COL6A6: variants seen among roughly 807,000 people sequenced by gnomAD.
COL6A6 encodes collagen type VI alpha 6 chain.
Under a neutral mutation model 208.6 loss-of-function variants are expected in COL6A6, and 183 were observed. The observed-to-expected ratio is 0.88, with a 90% CI of 0.78 to 0.99. The LOEUF (loss-of-function observed/expected upper bound fraction) is 0.99, where lower values mean the gene tolerates loss of function less well. Ranked by LOEUF, COL6A6 falls within the 50% of genes least tolerant of loss-of-function variation. COL6A6 has a pLI of 0.00. For missense variants in COL6A6, 2,816 were observed against 2,815.2 expected (o/e 1.00, Z -0.01); for synonymous variants, 973 against 1,011.8 (o/e 0.96, Z 0.73).
intron 1 of COL6A6, among the ~76,000 whole-genome samples, chr3:130,547,734 T>C (rs1276567947): frequency 6.6e-6 from 1 of 152,252 alleles, no homozygotes; most frequent in Non-Finnish European, 1.5e-5. Flanking sequence ...ACATTGGCCA[T>C]CTGTTATTGT....
intron 4 of COL6A6, among the ~76,000 whole-genome samples, chr3:130,566,264 A>G (rs1404499512): frequency 3.9e-5 from 6 of 152,248 alleles, no homozygotes; most frequent in South Asian, 2.1e-4. Flanking sequence ...AGCCTTAGTT[A>G]GATGACTAGG....
chr3:130,563,169 A>T lies in COL6A6; in HGVS notation c.166A>T (p.Ser56Cys), dbSNP rs191760470. The change falls in exon 3 of 37, where the codon AGT becomes TGT. Residue 56 changes from serine to cysteine, a missense_variant. Ser to Cys is a moderately radical substitution (Grantham distance 112). Transcript: ENST00000358511. The part of the protein sequence containing the change: ...VKMFITKMIS[S>C]LPIEADKYRV... ...AATGTTCATCACCAAAATGATCAGCAGTCTCCCCATAGAGGCCGACAAATA... is the reference window on the plus strand; with the variant it reads ...AATGTTCATCACCAAAATGATCAGCTGTCTCCCCATAGAGGCCGACAAATA... 6.2e-7 allele frequency: 1 copy of T among 1,614,054 alleles called. No homozygotes were observed. Among genetic ancestry groups the T allele is most frequent in the East Asian group, 2.2e-5 (1 of 44,890 alleles).
At position 130,566,694 on chromosome 3, in the gene COL6A6, C is replaced by T; in HGVS notation, c.1283-8C>T. 6.3e-7 allele frequency: 1 copy of T among 1,581,664 alleles called. No homozygotes were observed. The highest frequency in any genetic ancestry group is 1.2e-5 in the South Asian group (1 of 86,708). On this transcript the variant is annotated splice_region_variant and splice_polypyrimidine_tract_variant and intron_variant, in intron 4 of 36. Transcript: ENST00000358511. ...AATGCCACATGCAACTTATTGATTC[C>T]TTTTTAGGTTGTGTGGACACTGAGG...
At chr3:130,579,160 C>T (rs2063362804) in intron 8 of COL6A6, among the ~76,000 whole-genome samples, 2 of 152,118 alleles carry the variant, frequency 1.3e-5, no homozygotes, top group Non-Finnish European at 1.5e-5. Flanking sequence ...TACAAATGTA[C>T]CCTAGCCTCT....
At chr3:130,598,454 C>T (rs543602554) in intron 19 of COL6A6, 24 bp downstream of exon 19, 12 of 1,474,690 alleles carry the variant, frequency 8.1e-6, no homozygotes, top group African/African-American at 7.0e-5. Context: ...CTTGTAAAAT[C>T]GTGATGCAAC....
chr3:130,650,847 C>A (rs1405672592), intron 33 of COL6A6, among the ~76,000 whole-genome samples: 1 of 152,038 alleles, frequency 6.6e-6, no homozygotes, highest in Non-Finnish European at 1.5e-5. Flanking sequence ...TGAATTAATG[C>A]CAGTAGTCAA....
chr3:130,577,117 G>T (rs1295119583), intron 8 of COL6A6, among the ~76,000 whole-genome samples: 1 of 152,182 alleles, frequency 6.6e-6, no homozygotes, highest in Non-Finnish European at 1.5e-5. Context: ...TCTACGAAGG[G>T]TCAAGCCTGG....
intron 1 of COL6A6, among the ~76,000 whole-genome samples, chr3:130,538,171 T>G (rs2062269482): frequency 6.6e-6 from 1 of 152,208 alleles, no homozygotes; most frequent in Non-Finnish European, 1.5e-5. Context: ...AATGCTCAAC[T>G]TTGCCAAGAC....
chr3:130,589,099 G>A lies in COL6A6; in HGVS notation c.4135G>A (p.Ala1379Thr). ...CTTACCCTCTCCCAAGGTCAATGTT[G>A]CTGAAAGGACATGCTGCTGTTTGTT... ...SRLSKQLVNV[A>T]ERTCCCLFCK... Residue 1379 changes from alanine (A) to threonine (T), a missense_variant, in exon 12 of 37, where the codon GCT becomes ACT. Transcript: ENST00000358511. 6.2e-7 allele frequency: 1 copy of A among 1,613,656 alleles called. No individual in the cohort carries two copies. Among genetic ancestry groups the A allele is most frequent in the Non-Finnish European group, 8.5e-7 (1 of 1,179,612 alleles).
chr3:130,586,941 A>G (rs1176064404), intron 11 of COL6A6, among the ~76,000 whole-genome samples: 1 of 152,236 alleles, frequency 6.6e-6, no homozygotes, highest in Non-Finnish European at 1.5e-5. Context: ...TGTCCAAATT[A>G]TAGCCAAAGA....
At chr3:130,551,987 T>G (rs2062652970) in intron 1 of COL6A6, among the ~76,000 whole-genome samples, 1 of 152,198 alleles carries the variant, frequency 6.6e-6, no homozygotes. Flanking sequence ...CAGTATTGAT[T>G]TCTATTTTTA....
In COL6A6 at chr3:130,608,966, T is replaced by C. The variant is rs771265291; in HGVS notation, c.4752+2T>C. 6.2e-7 allele frequency: 1 copy of C among 1,610,554 alleles called. No homozygotes were observed. The highest frequency in any genetic ancestry group is 8.5e-7 in the Non-Finnish European group (1 of 1,177,260). ...TCCCTGGGACTTAAGGGCCCTCAGGTACATATCAAGACCAATCAGGGTGTG... is the reference window on the plus strand; with the variant it reads ...TCCCTGGGACTTAAGGGCCCTCAGGCACATATCAAGACCAATCAGGGTGTG... On this transcript the variant is annotated splice_donor_variant, in intron 22 of 36. Transcript: ENST00000358511. LOFTEE classifies it high-confidence loss of function.
chr3:130,542,286 C>T (rs368764388), intron 1 of COL6A6, among the ~76,000 whole-genome samples: 2 of 151,274 alleles, frequency 1.3e-5, no homozygotes, highest in East Asian at 1.9e-4. Context: ...TTCTTCTACT[C>T]ATTTTATTTG....
chr3:130,534,552 A>G (rs2062180380), intron 1 of COL6A6, among the ~76,000 whole-genome samples: 8 of 152,104 alleles, frequency 5.3e-5, no homozygotes, highest in Admixed American at 5.2e-4. Flanking sequence ...TTGCATTTTG[A>G]CATACTGCCT....
Position 130,661,943 on chromosome 3 carries a change from G to A in COL6A6, c.6137G>A (p.Arg2046Lys), listed in dbSNP as rs534977159. The change falls in exon 35 of 37, where the codon AGG (arginine) becomes AAG (lysine). Residue 2046 changes from arginine to lysine, a missense_variant. Physicochemically the swap from Arg to Lys is conservative, Grantham distance 26. Coordinates refer to ENST00000358511, the MANE Select transcript of COL6A6 (RefSeq NM_001102608.3). ...TTYRSKRLMK[R>K]HVHESVKQLN... is the part of the protein sequence containing the mutation. ...TACAGAAGTAAGCGCCTCATGAAGAGGCATGTGCACGAGTCAGTTAAACAA... is the reference window on the plus strand; with the variant it reads ...TACAGAAGTAAGCGCCTCATGAAGAAGCATGTGCACGAGTCAGTTAAACAA... 4.3e-6 allele frequency: 7 copies of A among 1,613,850 alleles called. No homozygotes were observed. The highest frequency in any genetic ancestry group is 5.1e-6 in the Non-Finnish European group (6 of 1,179,886).
At chr3:130,639,187 G>A (rs1228846824) in intron 28 of COL6A6, among the ~76,000 whole-genome samples, 1 of 152,140 alleles carries the variant, frequency 6.6e-6, no homozygotes, top group Non-Finnish European at 1.5e-5. Context: ...ATTTTCAAGA[G>A]CTTGTTATTG....
At chr3:130,612,737 G>A (rs1423632704) in intron 23 of COL6A6, among the ~76,000 whole-genome samples, 1 of 152,070 alleles carries the variant, frequency 6.6e-6, no homozygotes, top group Non-Finnish European at 1.5e-5. Context: ...GGTGAGAGGT[G>A]GGTTACAAGC....
At chr3:130,670,298 T>C (rs1194558861) in intron 36 of COL6A6, among the ~76,000 whole-genome samples, 1 of 152,196 alleles carries the variant, frequency 6.6e-6, no homozygotes, top group African/African-American at 2.4e-5. Flanking sequence ...ACATTAAAGC[T>C]GGTGTTAAAG....
chr3:130,526,680 C>G lies in COL6A6; in HGVS notation c.-32+9283C>G, dbSNP rs565833931. Among the ~76,000 whole-genome samples the G allele has an allele frequency of 5.3e-5, 8 of 152,290 alleles. No homozygotes were observed. In the South Asian group the frequency reaches 1.7e-3, roughly 32 times the overall value. On this transcript the variant is annotated intron_variant, in intron 1 of 36. Transcript: ENST00000358511. ...ATGTTTTGAAGTACTATTGACAAGA[C>G]TTGCTGATGGATTGGCTCAGAAGTT...
Sources: gnomAD v4.1 joint callset for allele counts (sites outside exome capture counted in the v4.1 genomes callset) on GRCh38, gnomAD v4.1.1 for gene constraint, MANE v1.5 for transcripts, NCBI Gene and HGNC (gene_info 2026-07-23, HGNC 2026-07-21) for gene names.